YIPF4: variants seen among roughly 807,000 people sequenced by gnomAD.
The protein encoded by YIPF4 is protein YIPF4.
YIPF4 carries 18 observed loss-of-function variants against 29.4 expected under a neutral mutation model. The ratio of observed to expected loss-of-function variants is 0.61; its 90% CI spans 0.42 to 0.91. YIPF4 has a LOEUF of 0.91. Among genes scored for constraint, YIPF4 ranks in the 40% least tolerant of loss-of-function variants. The pLI is 0.00. For missense variants in YIPF4, 279 were observed against 282.7 expected (o/e 0.99, Z 0.09); for synonymous variants, 115 against 104.7 (o/e 1.10, Z -0.60).
At chr2:32,280,385 T>G (rs996951156) in intron 1 of YIPF4, among the ~76,000 whole-genome samples, 4 of 136,390 alleles carry the variant, frequency 2.9e-5, no homozygotes, top group African/African-American at 1.1e-4. Flanking sequence ...CCAGGCTAAT[T>G]TTTTTTTTTT....
rs1047497081 is a variant in YIPF4 at position 32,311,342 on chromosome 2, C to A, written c.*5716C>A. On this transcript the variant is annotated 3_prime_UTR_variant, in exon 6 of 6. Coordinates refer to ENST00000238831, the MANE Select transcript of YIPF4 (RefSeq NM_032312.4). ...AAACATGAAATTTAGGATTAGTTTT[C>A]TCTTTGAAAATTCTTTTGATATGCT... The A allele has an allele frequency of 6.6e-6, 1 of 152,126 alleles. No individual in the cohort carries two copies. The highest frequency in any genetic ancestry group is 1.5e-5 in the Non-Finnish European group (1 of 68,016). The allele number at this position is 152,126 out of a possible 1,614,324, so 9.4% of individuals were successfully genotyped here. A position where few individuals can be genotyped will look rare whatever the true frequency, so the allele number is the denominator to read the frequency against.
At chr2:32,300,970 TC>T (rs1469765765) in intron 4 of YIPF4, among the ~76,000 whole-genome samples, 14 of 152,330 alleles carry the variant, frequency 9.2e-5, no homozygotes, top group Admixed American at 9.2e-4. Context: ...ACCTTCCCTT[TC>T]CTTCTGGTCG....
At chr2:32,303,351 C>A (rs2031469737) in intron 5 of YIPF4, among the ~76,000 whole-genome samples, 1 of 152,230 alleles carries the variant, frequency 6.6e-6, no homozygotes, top group South Asian at 2.1e-4. Context: ...CAGAGTGAGA[C>A]CCTGTCTCTG....
At position 32,314,658 on chromosome 2, in the gene YIPF4, A is replaced by T. The variant is rs1291453531; in HGVS notation, c.*9032A>T. On this transcript the variant is annotated 3_prime_UTR_variant, in exon 6 of 6. Transcript: ENST00000238831. Reference sequence around the variant, plus strand: ...ATTGCACTCCAGCCTGGGCAAGAAGAGCAAAACTTCGTCTCAAAAAAAAAT... The same window carrying T: ...ATTGCACTCCAGCCTGGGCAAGAAGTGCAAAACTTCGTCTCAAAAAAAAAT... 1.3e-5 allele frequency: 2 copies of T among 152,094 alleles called. No individual in the cohort carries two copies. The highest frequency in any genetic ancestry group is 2.9e-5 in the Non-Finnish European group (2 of 68,042). 9.4% of individuals were successfully genotyped at this position (152,094 alleles called of 1,614,324 possible). A position where few individuals can be genotyped will look rare whatever the true frequency, so the allele number is the denominator to read the frequency against.
At chr2:32,296,695 G>C (rs1237156064) in intron 3 of YIPF4, among the ~76,000 whole-genome samples, 7 of 152,160 alleles carry the variant, frequency 4.6e-5, no homozygotes, top group Admixed American at 4.6e-4. Flanking sequence ...ACTTGGTTAG[G>C]TGATAGGGTA....
At chr2:32,297,562 G>A (rs534019063) in intron 3 of YIPF4, among the ~76,000 whole-genome samples, 1 of 152,070 alleles carries the variant, frequency 6.6e-6, no homozygotes, top group Non-Finnish European at 1.5e-5. Flanking sequence ...GAGCTCAGGA[G>A]TTCGAGACCA....
At chr2:32,280,418 C>T (rs1417377406) in intron 1 of YIPF4, among the ~76,000 whole-genome samples, 8 of 148,618 alleles carry the variant, frequency 5.4e-5, no homozygotes, top group African/African-American at 1.7e-4. Context: ...CTTGCTCTGT[C>T]GCCCAGGCTG....
At position 32,279,091 on chromosome 2, in the gene YIPF4, C is replaced by T. The variant is rs900266307; in HGVS notation, c.79+857C>T. The stretch of plus-strand genomic sequence containing the variant: ...CACGCCATTCTCCTGCCTCAGCCTC[C>T]CGAGTAGCTGGGGCTACAGGCACCC... On this transcript the variant is annotated intron_variant, in intron 1 of 5. Coordinates refer to ENST00000238831, the MANE Select transcript of YIPF4 (RefSeq NM_032312.4). Among the ~76,000 whole-genome samples the T allele has an allele frequency of 1.3e-4, 19 of 151,840 alleles. 1 individual carries two copies. The highest frequency in any genetic ancestry group is 4.3e-4 in the African/African-American group (18 of 41,380).
chr2:32,303,165 A>G (rs455737), intron 5 of YIPF4, among the ~76,000 whole-genome samples: 104,645 of 152,074 alleles, frequency 0.69, 36,813 homozygotes, highest in African/African-American at 0.8. Flanking sequence ...AGGAGTTTGA[A>G]ATCAATCAGC....
chr2:32,293,778 C>A (rs1432221092), intron 3 of YIPF4, among the ~76,000 whole-genome samples: 1 of 151,048 alleles, frequency 6.6e-6, no homozygotes, highest in Non-Finnish European at 1.5e-5. Flanking sequence ...CCTCACTTCC[C>A]AGTAGGGGCG....
chr2:32,305,698 T>G lies in YIPF4; in HGVS notation c.*72T>G. 1.5e-6 allele frequency: 2 copies of G among 1,342,984 alleles called. No homozygotes were observed. Among genetic ancestry groups the G allele is most frequent in the South Asian group, 4.8e-5 (2 of 42,032 alleles). The allele number at this position is 1,342,984 out of a possible 1,614,324, so 83.2% of individuals were successfully genotyped here. On this transcript the variant is annotated 3_prime_UTR_variant, in exon 6 of 6. Transcript: ENST00000238831. ...AGGCTGGGAATTCTTGCTGAAGGAA[T>G]TGGAGAAAACCTGTTGCTGCAAAAT...
At chr2:32,287,547 C>CT (rs2030731244) in intron 1 of YIPF4, among the ~76,000 whole-genome samples, 1 of 152,176 alleles carries the variant, frequency 6.6e-6, no homozygotes, top group African/African-American at 2.4e-5. Context: ...GGGAACTTGT[C>CT]TAGGGGCAGA....
rs533728164 is a variant in YIPF4, at chr2:32,306,721, A to T, written c.*1095A>T. 597 of 412,220 alleles carry T rather than the reference A, an allele frequency of 1.4e-3. 4 individuals carry two copies. The highest frequency in any genetic ancestry group is 0.012 in the African/African-American group (546 of 46,038). The allele number at this position is 412,220 out of a possible 1,614,324, so 25.5% of individuals were successfully genotyped here. On this transcript the variant is annotated 3_prime_UTR_variant, in exon 6 of 6. Transcript: ENST00000238831. ...GTTGCAAATAATTTCATAGGTTTTT[A>T]GATACACCTGTAGTTAATATTACTT...
rs1054999449 is a variant in YIPF4, at chr2:32,296,486, G to GA, written c.406-1740dup. Among the ~76,000 whole-genome samples, 8 of 150,348 alleles carry GA rather than the reference G, an allele frequency of 5.3e-5. No individual in the cohort carries two copies. In the East Asian group the frequency reaches 5.8e-4, roughly 11 times the overall value. Reference sequence around the variant, plus strand: ...ACTCAGTCTCAAAAAAAAAAAAAAGGAAAAAAAACCCCAGAAGATTACTAT... The same window carrying GA: ...ACTCAGTCTCAAAAAAAAAAAAAAGGAAAAAAAAACCCCAGAAGATTACTAT... On this transcript the variant is annotated intron_variant, in intron 3 of 5. Transcript: ENST00000238831.
At chr2:32,292,588 T>C (rs1424324643) in intron 3 of YIPF4, among the ~76,000 whole-genome samples, 1 of 151,768 alleles carries the variant, frequency 6.6e-6, no homozygotes, top group East Asian at 1.9e-4. Context: ...TGTGGGCGGG[T>C]GTGGTGGCTC....
Position 32,310,727 on chromosome 2 carries a change from T to C in YIPF4, c.*5101T>C, listed in dbSNP as rs891880387. Reference sequence around the variant, plus strand: ...GACCCCATCTCTACAAAAGAAAAATTAGCTGGGCATGTGGCACCTGCCTGT... The same window carrying C: ...GACCCCATCTCTACAAAAGAAAAATCAGCTGGGCATGTGGCACCTGCCTGT... On this transcript the variant is annotated 3_prime_UTR_variant, in exon 6 of 6. Transcript: ENST00000238831. The C allele has an allele frequency of 1.3e-5, 2 of 151,932 alleles. No individual in the cohort carries two copies. Among genetic ancestry groups the C allele is most frequent in the African/African-American group, 2.4e-5 (1 of 41,342 alleles). The allele number at this position is 151,932 out of a possible 1,614,324, so 9.4% of individuals were successfully genotyped here.
At chr2:32,294,538 C>G (rs2031089501) in intron 3 of YIPF4, among the ~76,000 whole-genome samples, 1 of 151,262 alleles carries the variant, frequency 6.6e-6, no homozygotes, top group Non-Finnish European at 1.5e-5. Context: ...TCCTCACTTC[C>G]TAGATGGGAT....
chr2:32,304,853 A>G (rs1355440206), intron 5 of YIPF4, among the ~76,000 whole-genome samples: 2 of 152,212 alleles, frequency 1.3e-5, no homozygotes, highest in African/African-American at 4.8e-5. Context: ...AAAAGTATGT[A>G]TGTATGTGAT....
Position 32,313,279 on chromosome 2 carries a change from T to G in YIPF4, c.*7653T>G, listed in dbSNP as rs1306795694. 4 of 152,116 alleles carry G rather than the reference T, an allele frequency of 2.6e-5. No homozygotes were observed. Among genetic ancestry groups the G allele is most frequent in the Non-Finnish European group, 4.4e-5 (3 of 68,028 alleles). The allele number at this position is 152,116 out of a possible 1,614,324, so 9.4% of individuals were successfully genotyped here. ...GCTTGGGGAAAAAAATTTAAAAATA[T>G]AAAAAGAAAACCAGTTTGAAGTTTA... On this transcript the variant is annotated 3_prime_UTR_variant, in exon 6 of 6. Transcript: ENST00000238831.
Sources: allele counts gnomAD v4.1 joint callset (sites outside exome capture counted in the v4.1 genomes callset), GRCh38; gene constraint gnomAD v4.1.1; transcripts MANE v1.5; gene names NCBI Gene and HGNC (gene_info 2026-07-23, HGNC 2026-07-21).